The following CSMD1 variants were observed in gnomAD, a reference collection of about 807,000 sequenced individuals.
CSMD1 encodes CUB and Sushi multiple domains 1, also known as CUB and sushi domain-containing protein 1.
Under a neutral mutation model 417.5 loss-of-function variants are expected in CSMD1, and 213 were observed. The observed-to-expected ratio is 0.51, with a 90% CI of 0.46 to 0.57. CSMD1 has a LOEUF of 0.57. Among genes scored for constraint, CSMD1 ranks in the 20% least tolerant of loss-of-function variants. CSMD1 has a pLI of 0.00. For synonymous variants in CSMD1, 2,862 were observed against 1,736.8 expected, an observed-to-expected ratio of 1.65 and a Z score of -16.11; for missense variants, 6,923 against 4,529.7, an observed-to-expected ratio of 1.53 and a Z score of -15.17.
chr8:3,947,340 C>CA lies in CSMD1; in HGVS notation c.818+50562dup, dbSNP rs1219308846. 3.6e-4 allele frequency among the ~76,000 whole-genome samples: 55 copies of CA among 152,216 alleles called. 1 individual carries two copies. Among genetic ancestry groups the CA allele is most frequent in the Non-Finnish European group, 1.3e-4 (9 of 68,014 alleles). ...TAAGATTATGAATTACAATGATTTTCAAGAATGTTAAACCAATCTCGTATT... is the reference window on the plus strand; with the variant it reads ...TAAGATTATGAATTACAATGATTTTCAAAGAATGTTAAACCAATCTCGTATT... On this transcript the variant is annotated intron_variant, in intron 5 of 69. Transcript: ENST00000635120.
chr8:3,201,668 A>T lies in CSMD1; in HGVS notation c.5042T>A (p.Phe1681Tyr), dbSNP rs373898778. 2.5e-6 allele frequency: 4 copies of T among 1,607,288 alleles called. No individual in the cohort carries two copies. In the African/African-American group the frequency reaches 4.0e-5, roughly 16 times the overall value. ...TCTGGCCTGTGCATGGGTTCCATCA[A>T]ATAATTCTGCCAAATCATTCAGGGC... ...QTALNDLAEL[F>Y]DGTHAQARLL... The change falls in exon 32 of 70, where the codon TTT (phenylalanine) becomes TAT (tyrosine). Residue 1681 changes from phenylalanine to tyrosine, a missense_variant. Physicochemically the swap from Phe to Tyr is conservative, Grantham distance 22 (BLOSUM62 3). Transcript: ENST00000635120.
chr8:3,248,630 C>G (rs1015931026), intron 26 of CSMD1, among the ~76,000 whole-genome samples: 1 of 143,960 alleles, frequency 6.9e-6, no homozygotes, highest in African/African-American at 2.5e-5. Context: ...CCTGGGTTCA[C>G]GCTCCCTCAC....
chr8:3,716,295 A>G (rs1057132650), intron 6 of CSMD1, among the ~76,000 whole-genome samples: 1 of 152,236 alleles, frequency 6.6e-6, no homozygotes, highest in African/African-American at 2.4e-5. Flanking sequence ...GTGGGAGTCC[A>G]CAGACTAAAG....
chr8:4,715,750 C>G (rs1252416119), intron 1 of CSMD1, among the ~76,000 whole-genome samples: 1 of 152,132 alleles, frequency 6.6e-6, no homozygotes, highest in Non-Finnish European at 1.5e-5. Context: ...TCACACATAT[C>G]CAACTTGTCA....
chr8:3,816,136 C>G (rs948962398), intron 5 of CSMD1, among the ~76,000 whole-genome samples: 2 of 152,188 alleles, frequency 1.3e-5, no homozygotes, highest in Admixed American at 6.5e-5. Context: ...ATCGCAGGCT[C>G]AGTCTCAAAG....
At chr8:4,385,752 A>G (rs1803406019) in intron 3 of CSMD1, among the ~76,000 whole-genome samples, 1 of 152,216 alleles carries the variant, frequency 6.6e-6, no homozygotes, top group Admixed American at 6.5e-5. Context: ...AAATCTAAAG[A>G]GGAATTCATG....
intron 3 of CSMD1, among the ~76,000 whole-genome samples, chr8:4,097,305 C>G (rs1283266243): frequency 6.6e-6 from 1 of 152,128 alleles, no homozygotes; most frequent in Non-Finnish European, 1.5e-5. Context: ...ATGGGTGATA[C>G]TGAAACACTT....
chr8:4,598,439 G>A (rs572198079), intron 2 of CSMD1, among the ~76,000 whole-genome samples: 1 of 152,292 alleles, frequency 6.6e-6, no homozygotes, highest in Admixed American at 6.5e-5. Flanking sequence ...TATCAGCCAG[G>A]CATGAAATCT....
intron 41 of CSMD1, among the ~76,000 whole-genome samples, chr8:3,133,261 T>C (rs1287686686): frequency 2.6e-5 from 4 of 152,158 alleles, no homozygotes; most frequent in Admixed American, 2.6e-4. Flanking sequence ...TGCTGCTGTC[T>C]TCCTGGGTCC....
At chr8:4,417,898 T>G (rs1257497560) in intron 3 of CSMD1, among the ~76,000 whole-genome samples, 1 of 152,080 alleles carries the variant, frequency 6.6e-6, no homozygotes, top group African/African-American at 2.4e-5. Context: ...TGTCTAAAGT[T>G]TATGTGTAAA....
intron 3 of CSMD1, among the ~76,000 whole-genome samples, chr8:4,298,587 AT>A (rs1385754271): frequency 6.6e-6 from 1 of 152,160 alleles, no homozygotes; most frequent in Non-Finnish European, 1.5e-5. Context: ...ATTTACAAAT[AT>A]TGATACACAT....
At chr8:3,705,339 C>T (rs1458084425) in intron 7 of CSMD1, among the ~76,000 whole-genome samples, 1 of 152,200 alleles carries the variant, frequency 6.6e-6, no homozygotes. Context: ...CTGCAGGAGG[C>T]AGCTCAGCCT....
chr8:4,122,301 C>T (rs985785184), intron 3 of CSMD1, among the ~76,000 whole-genome samples: 2 of 152,138 alleles, frequency 1.3e-5, no homozygotes, highest in East Asian at 3.9e-4. Flanking sequence ...GGTCATAAGA[C>T]AGCTTTGATG....
chr8:3,785,840 G>A (rs1422502511), intron 5 of CSMD1, among the ~76,000 whole-genome samples: 2 of 152,166 alleles, frequency 1.3e-5, no homozygotes, highest in African/African-American at 4.8e-5. Flanking sequence ...TATTCCTGAG[G>A]GCTTTGGGAA....
chr8:3,250,060 T>A (rs1800153083), intron 26 of CSMD1, among the ~76,000 whole-genome samples: 2 of 152,194 alleles, frequency 1.3e-5, no homozygotes, highest in African/African-American at 4.8e-5. Context: ...ATATTTTTGT[T>A]TATTTATTTT....
At chr8:3,643,700 C>CAAAAAA (rs66500235) in intron 7 of CSMD1, among the ~76,000 whole-genome samples, 52 of 85,320 alleles carry the variant, frequency 6.1e-4, no homozygotes, top group African/African-American at 2.4e-3. Flanking sequence ...GACTCCGTCT[C>CAAAAAA]AAAAAAAAAA....
chr8:4,869,343 TC>T (rs1802598106), intron 1 of CSMD1, among the ~76,000 whole-genome samples: 1 of 152,028 alleles, frequency 6.6e-6, no homozygotes, highest in African/African-American at 2.4e-5. Context: ...AAACTGGATC[TC>T]TTTCCTTTAT....
rs181662728 is a variant in CSMD1, at chr8:4,968,748, T to C, written c.85+25584A>G. On this transcript the variant is annotated intron_variant, in intron 1 of 69. Coordinates refer to ENST00000635120, the MANE Select transcript of CSMD1 (RefSeq NM_033225.6). ...GTTTGCTGGTTTAGTTAACAGACCT[T>C]ACCATGTCTCTTCTTTACCAAAAAT... 2.5e-3 allele frequency among the ~76,000 whole-genome samples: 376 copies of C among 152,226 alleles called. 1 individual carries two copies. Among genetic ancestry groups the C allele is most frequent in the Non-Finnish European group, 4.5e-3 (308 of 68,004 alleles).
intron 1 of CSMD1, among the ~76,000 whole-genome samples, chr8:4,798,057 C>T (rs1031318743): frequency 2.6e-5 from 4 of 152,186 alleles, no homozygotes; most frequent in Non-Finnish European, 5.9e-5. Context: ...TACATGCGCA[C>T]AACGTGCAGG....
Sources: allele counts gnomAD v4.1 joint callset (sites outside exome capture counted in the v4.1 genomes callset), GRCh38; gene constraint gnomAD v4.1.1; transcripts MANE v1.5; gene names NCBI Gene and HGNC (gene_info 2026-07-23, HGNC 2026-07-21).